The following SLC30A8 variants were observed in gnomAD, a reference collection of about 807,000 sequenced individuals.
The protein encoded by SLC30A8 is proton-coupled zinc antiporter SLC30A8.
SLC30A8 carries 27 observed loss-of-function variants against 36.9 expected under a neutral mutation model. That is an observed-to-expected ratio of 0.73 (90% CI 0.54 to 1.01). The LOEUF is 1.01. Ranked by LOEUF, SLC30A8 falls within the 50% of genes least tolerant of loss-of-function variation. The probability of loss-of-function intolerance (pLI) is 0.00; values close to 1 mark genes in which losing one functional copy is unlikely to be tolerated. For synonymous variants in SLC30A8, 164 were observed against 172.4 expected, an observed-to-expected ratio of 0.95 and a Z score of 0.38; for missense variants, 439 against 452.0, an observed-to-expected ratio of 0.97 and a Z score of 0.26.
intron 2 of SLC30A8, among the ~76,000 whole-genome samples, chr8:117,082,739 C>T (rs1187802981): frequency 6.6e-6 from 1 of 152,110 alleles, no homozygotes; most frequent in African/African-American, 2.4e-5. Context: ...AGTGTTCAGT[C>T]AGGACTAGAG....
intron 3 of SLC30A8, among the ~76,000 whole-genome samples, chr8:117,153,723 GGTGTGTGTGTGT>G (rs59464276): frequency 2.4e-4 from 35 of 146,908 alleles, no homozygotes; most frequent in African/African-American, 6.0e-4. Context: ...CATGATAAGG[GGTGTGTGTGTGT>G]GTGTGTGTGT....
At chr8:117,080,697 TG>T in intron 2 of SLC30A8, among the ~76,000 whole-genome samples, 1 of 152,328 alleles carries the variant, frequency 6.6e-6, no homozygotes, top group South Asian at 2.1e-4. Context: ...TAGTATTCTA[TG>T]GTATATATGT....
chr8:117,044,388 C>G (rs575616459), intron 2 of SLC30A8, among the ~76,000 whole-genome samples: 5 of 152,270 alleles, frequency 3.3e-5, no homozygotes, highest in Admixed American at 6.5e-5. Context: ...GATGGAGAAT[C>G]CAGTAACGAG....
intron 1 of SLC30A8, among the ~76,000 whole-genome samples, chr8:117,036,063 A>G (rs1466124595): frequency 2.6e-5 from 4 of 151,934 alleles, no homozygotes; most frequent in Admixed American, 2.0e-4. Context: ...GGCTATTAAC[A>G]TTTGGCTCCT....
chr8:117,067,045 C>G (rs1194126460), intron 2 of SLC30A8, among the ~76,000 whole-genome samples: 3 of 152,220 alleles, frequency 2.0e-5, no homozygotes, highest in South Asian at 2.1e-4. Flanking sequence ...GAAGGGGAAG[C>G]AAATACGTCC....
Position 117,157,689 on chromosome 8 carries a change from A to G in SLC30A8, c.419-2A>G, listed in dbSNP as rs1822566439. The stretch of plus-strand genomic sequence containing the variant: ...GGTTTCTGTGTGTGTTTGAATTCCT[A>G]GAGATCCTTGGTGCCCTGCTCTCCA... On this transcript the variant is annotated splice_acceptor_variant, in intron 3 of 7. Transcript: ENST00000456015. LOFTEE classifies it high-confidence loss of function. 1 of 1,613,602 alleles carries G rather than the reference A, an allele frequency of 6.2e-7. No homozygotes were observed. Among genetic ancestry groups the G allele is most frequent in the Non-Finnish European group, 8.5e-7 (1 of 1,179,744 alleles).
intron 1 of SLC30A8, among the ~76,000 whole-genome samples, chr8:117,021,518 A>G (rs764218335): frequency 2.0e-5 from 3 of 152,204 alleles, no homozygotes; most frequent in Non-Finnish European, 4.4e-5. Context: ...GAGGAAAACC[A>G]TGCTGATGGA....
chr8:117,073,215 A>G (rs1219505045), intron 2 of SLC30A8, among the ~76,000 whole-genome samples: 1 of 151,102 alleles, frequency 6.6e-6, no homozygotes, highest in Non-Finnish European at 1.5e-5. Context: ...TGTTAGTAAC[A>G]TTGCTTATGT....
intron 2 of SLC30A8, among the ~76,000 whole-genome samples, chr8:117,150,661 A>G (rs562827948): frequency 9.9e-5 from 15 of 152,120 alleles, no homozygotes; most frequent in Non-Finnish European, 1.9e-4. Context: ...GCTGGAGTGC[A>G]GTGGCCCGAT....
chr8:117,001,657 A>G (rs1201995765), intron 1 of SLC30A8, among the ~76,000 whole-genome samples: 1 of 152,196 alleles, frequency 6.6e-6, no homozygotes, highest in Non-Finnish European at 1.5e-5. Flanking sequence ...CTAAGATTGT[A>G]TTTCTGAAAT....
intron 1 of SLC30A8, among the ~76,000 whole-genome samples, chr8:116,995,907 G>A (rs1044595848): frequency 6.6e-6 from 1 of 151,226 alleles, no homozygotes; most frequent in African/African-American, 2.5e-5. Context: ...AAAAATGCAA[G>A]TTAATGCACT....
chr8:117,037,498 C>A (rs925018218), intron 1 of SLC30A8, among the ~76,000 whole-genome samples: 1 of 152,032 alleles, frequency 6.6e-6, no homozygotes, highest in African/African-American at 2.4e-5. Flanking sequence ...AGTCACCATA[C>A]CACTGCCCCC....
At position 117,054,519 on chromosome 8, in the gene SLC30A8, A is replaced by G. The variant is rs1373587773; in HGVS notation, c.-226+15261A>G. Among the ~76,000 whole-genome samples the G allele has an allele frequency of 3.9e-5, 6 of 152,312 alleles. No individual in the cohort carries two copies. The East Asian group carries it at 5.8e-4, about 15-fold the overall frequency. On this transcript the variant is annotated intron_variant, in intron 2 of 10. Coordinates refer to the SLC30A8 transcript ENST00000427715. ...TCTTAATGGTATCCAGTTTGTCACC[A>G]TCAATGTGCAAACATACAGAAGAAT...
intron 1 of SLC30A8, among the ~76,000 whole-genome samples, chr8:117,032,979 G>A (rs1817103107): frequency 1.3e-5 from 2 of 152,104 alleles, no homozygotes. Context: ...TGTAGCTAAT[G>A]TCAGAGGAAC....
rs775528421 is a variant in SLC30A8 at position 117,147,061 on chromosome 8, C to A, written c.179C>A (p.Thr60Lys). ...MYHCHSGSKP[T>K]EKGANEYAYA... ...CACTGCCACAGTGGCTCCAAGCCCA[C>A]AGAAAAGGGGGCGAATGAGTACGCC... The change falls in exon 2 of 8, where the codon ACA becomes AAA. Residue 60 changes from threonine to lysine, a missense_variant. Thr to Lys is a moderately conservative substitution (Grantham distance 78). Coordinates refer to ENST00000456015, the MANE Select transcript of SLC30A8 (RefSeq NM_173851.3). 6.2e-7 allele frequency: 1 copy of A among 1,614,128 alleles called. No individual in the cohort carries two copies. The highest frequency in any genetic ancestry group is 8.5e-7 in the Non-Finnish European group (1 of 1,180,010).
At chr8:117,114,500 G>A (rs1820360212) in intron 2 of SLC30A8, among the ~76,000 whole-genome samples, 1 of 152,076 alleles carries the variant, frequency 6.6e-6, no homozygotes, top group African/African-American at 2.4e-5. Flanking sequence ...GTAATCACCA[G>A]AGTGAATTCC....
chr8:117,059,746 G>C (rs548747947), intron 2 of SLC30A8, among the ~76,000 whole-genome samples: 1 of 152,292 alleles, frequency 6.6e-6, no homozygotes, highest in East Asian at 1.9e-4. Context: ...ATAAAATGTT[G>C]GCACTTAATT....
intron 4 of SLC30A8, among the ~76,000 whole-genome samples, chr8:117,160,472 T>C (rs1212031076): frequency 1.3e-5 from 2 of 150,110 alleles, no homozygotes; most frequent in Non-Finnish European, 3.0e-5. Context: ...GTGGGGTGTT[T>C]AATCTTTACC....
chr8:117,104,887 C>T (rs1046177112), intron 2 of SLC30A8, among the ~76,000 whole-genome samples: 1 of 152,134 alleles, frequency 6.6e-6, no homozygotes, highest in Non-Finnish European at 1.5e-5. Context: ...GTTCCTTCCC[C>T]TTTTCGGCCA....
Sources: allele counts gnomAD v4.1 joint callset (sites outside exome capture counted in the v4.1 genomes callset), GRCh38; gene constraint gnomAD v4.1.1; transcripts MANE v1.5; gene names NCBI Gene and HGNC (gene_info 2026-07-23, HGNC 2026-07-21).